EPHA3: variants seen among roughly 807,000 people sequenced by gnomAD.
EPHA3 encodes EPH receptor A3.
EPHA3 carries 42 observed loss-of-function variants against 107.1 expected under a neutral mutation model. That is an observed-to-expected ratio of 0.39 (90% confidence interval 0.31 to 0.51). The LOEUF (loss-of-function observed/expected upper bound fraction) is 0.51. Ranked by LOEUF, EPHA3 falls within the 20% of genes least tolerant of loss-of-function variation. The probability of loss-of-function intolerance (pLI) is 0.78; values close to 1 mark genes in which losing one functional copy is unlikely to be tolerated. For synonymous variants in EPHA3, 461 were observed against 424.8 expected, an observed-to-expected ratio of 1.09 and a Z score of -1.05; for missense variants, 1,183 against 1,211.2, an observed-to-expected ratio of 0.98 and a Z score of 0.35.
chr3:89,118,300 T>C (rs1707301850), intron 1 of EPHA3, among the ~76,000 whole-genome samples: 2 of 152,002 alleles, frequency 1.3e-5, no homozygotes, highest in South Asian at 2.1e-4. Flanking sequence ...CAATGGTTTT[T>C]TTCTATATTT....
intron 2 of EPHA3, among the ~76,000 whole-genome samples, chr3:89,179,158 T>C (rs1310033913): frequency 6.6e-6 from 1 of 152,118 alleles, no homozygotes; most frequent in Non-Finnish European, 1.5e-5. Context: ...ATGTGCATTT[T>C]TATGTTTGCC....
chr3:89,411,710 A>G (rs572008551), intron 9 of EPHA3, among the ~76,000 whole-genome samples: 9 of 152,020 alleles, frequency 5.9e-5, no homozygotes, highest in African/African-American at 2.2e-4. Context: ...GTTAACACAT[A>G]CTGTGAAATC....
At chr3:89,244,051 T>C (rs1428235490) in intron 3 of EPHA3, among the ~76,000 whole-genome samples, 2 of 152,290 alleles carry the variant, frequency 1.3e-5, no homozygotes, top group East Asian at 3.9e-4. Flanking sequence ...TGACTTGTCT[T>C]AGGAATTTGA....
At chr3:89,433,828 T>C (rs1225930682) in intron 13 of EPHA3, among the ~76,000 whole-genome samples, 1 of 152,178 alleles carries the variant, frequency 6.6e-6, no homozygotes, top group African/African-American at 2.4e-5. Flanking sequence ...CAACAGTGCT[T>C]TTTAGTTCTC....
At chr3:89,441,425 T>C (rs2107546419) in intron 13 of EPHA3, among the ~76,000 whole-genome samples, 1 of 152,306 alleles carries the variant, frequency 6.6e-6, no homozygotes, top group Non-Finnish European at 1.5e-5. Context: ...CATAAATATA[T>C]CTTGGGAGCT....
intron 3 of EPHA3, among the ~76,000 whole-genome samples, chr3:89,328,132 C>G (rs1476038257): frequency 6.6e-6 from 1 of 151,814 alleles, no homozygotes; most frequent in East Asian, 1.9e-4. Flanking sequence ...AGAAAAAACT[C>G]AAATAATTTA....
intron 13 of EPHA3, among the ~76,000 whole-genome samples, chr3:89,434,961 G>A (rs189255347): frequency 6.6e-6 from 1 of 152,096 alleles, no homozygotes; most frequent in East Asian, 1.9e-4. Context: ...ATTTGCATGT[G>A]CGTTTCTAGA....
chr3:89,429,259 CTAAGTT>C (rs1709515443), intron 12 of EPHA3, 92 bp downstream of exon 12: 3 of 967,536 alleles, frequency 3.1e-6, no homozygotes, highest in Admixed American at 2.2e-5. Flanking sequence ...ATTCAGTAAT[CTAAGTT>C]TAAAGTAAAA....
In EPHA3 at chr3:89,383,644, T is replaced by C. The variant is rs1297727254; in HGVS notation, c.1307-12193T>C. Among the ~76,000 whole-genome samples the C allele has an allele frequency of 3.1e-3, 414 of 131,658 alleles. 6 individuals carry two copies. The highest frequency in any genetic ancestry group is 0.012 in the African/African-American group (399 of 34,502). 86.4% of individuals were successfully genotyped at this position (131,658 alleles called of 152,430 possible). ...TGGTCAGCCTACTTCTTCTTCTTTT[T>C]TTTTTTTTTTTTTTTTTTTTTTGAG... On this transcript the variant is annotated intron_variant, in intron 5 of 16. Transcript: ENST00000336596.
chr3:89,136,329 G>GTTTTTTTTTTTTTT (rs1559747476), intron 2 of EPHA3, among the ~76,000 whole-genome samples: 29 of 23,860 alleles, frequency 1.2e-3, no homozygotes, highest in Non-Finnish European at 1.6e-3. Flanking sequence ...AATCTTACAG[G>GTTTTTTTTTTTTTT]CTTTTTTTTT....
At chr3:89,268,867 T>C (rs1705597367) in intron 3 of EPHA3, among the ~76,000 whole-genome samples, 1 of 151,756 alleles carries the variant, frequency 6.6e-6, no homozygotes, top group South Asian at 2.1e-4. Flanking sequence ...TCCTGTGTTG[T>C]GATAAATGAT....
chr3:89,295,169 T>C (rs1048411853), intron 3 of EPHA3, among the ~76,000 whole-genome samples: 15 of 110,348 alleles, frequency 1.4e-4, no homozygotes, highest in African/African-American at 6.2e-4. Flanking sequence ...CCAGTGCATA[T>C]GAAGGTTATG....
chr3:89,350,450 C>G (rs1384208283), intron 5 of EPHA3, among the ~76,000 whole-genome samples: 3 of 151,498 alleles, frequency 2.0e-5, no homozygotes, highest in African/African-American at 7.2e-5. Flanking sequence ...GTTCTCAAGC[C>G]TTGGTTTTCA....
chr3:89,292,009 G>T (rs1706218239), intron 3 of EPHA3, among the ~76,000 whole-genome samples: 1 of 152,140 alleles, frequency 6.6e-6, no homozygotes, highest in African/African-American at 2.4e-5. Context: ...AGTGCCCAAT[G>T]AAACTTTAGT....
intron 2 of EPHA3, among the ~76,000 whole-genome samples, chr3:89,192,607 C>A (rs189529704): frequency 5.9e-5 from 9 of 152,084 alleles, no homozygotes; most frequent in African/African-American, 2.2e-4. Context: ...TATTTGCCTT[C>A]TGGTATACTT....
intron 3 of EPHA3, among the ~76,000 whole-genome samples, chr3:89,244,247 C>T (rs915418216): frequency 2.0e-5 from 3 of 151,736 alleles, no homozygotes; most frequent in African/African-American, 7.3e-5. Context: ...AGCTAGGTTA[C>T]CAGGAATATT....
At chr3:89,468,544 C>T (rs538535779) in intron 15 of EPHA3, among the ~76,000 whole-genome samples, 4 of 152,166 alleles carry the variant, frequency 2.6e-5, no homozygotes, top group Admixed American at 6.5e-5. Context: ...AAAAGTATTA[C>T]TATTCATGGG....
At chr3:89,435,337 C>T (rs1231405353) in intron 13 of EPHA3, among the ~76,000 whole-genome samples, 4 of 150,968 alleles carry the variant, frequency 2.6e-5, no homozygotes, top group Non-Finnish European at 5.9e-5. Flanking sequence ...GGGTGGCTCA[C>T]GCCTATAATC....
At chr3:89,188,969 G>C (rs1705639109) in intron 2 of EPHA3, among the ~76,000 whole-genome samples, 1 of 152,146 alleles carries the variant, frequency 6.6e-6, no homozygotes, top group African/African-American at 2.4e-5. Context: ...AGGCCCTCAA[G>C]AAATACTTTT....
Sources: allele counts gnomAD v4.1 joint callset (sites outside exome capture counted in the v4.1 genomes callset), GRCh38; gene constraint gnomAD v4.1.1; transcripts MANE v1.5; gene names NCBI Gene and HGNC (gene_info 2026-07-23, HGNC 2026-07-21).